Variants in SERPINI2 observed in about 807,000 individuals in gnomAD.
SERPINI2 encodes serpin family I member 2.
In SERPINI2, 48 loss-of-function variants were observed where a neutral mutation model predicts 47.3. The ratio of observed to expected loss-of-function variants is 1.02; its 90% CI spans 0.81 to 1.29. The LOEUF (loss-of-function observed/expected upper bound fraction) is 1.29, where lower values mean the gene tolerates loss of function less well. Among genes scored for constraint, SERPINI2 ranks in the 50% most tolerant of loss-of-function variants. The pLI, the probability that SERPINI2 is intolerant of heterozygous loss-of-function variation, is 0.00. For synonymous variants in SERPINI2, 135 were observed against 149.3 expected, an observed-to-expected ratio of 0.90 and a Z score of 0.70; for missense variants, 448 against 456.9, an observed-to-expected ratio of 0.98 and a Z score of 0.18.
intron 2 of SERPINI2, among the ~76,000 whole-genome samples, chr3:167,470,341 A>C (rs1395700587): frequency 6.6e-6 from 1 of 152,160 alleles, no homozygotes; most frequent in African/African-American, 2.4e-5. Context: ...AGCAAATAAA[A>C]TCTTGTAAAT....
exon 9 of SERPINI2, chr3:167,442,095 G>T: frequency 6.4e-7 from 1 of 1,571,392 alleles, no homozygotes; most frequent in Non-Finnish European, 8.6e-7. Context: ...TTATTCTGAG[G>T]CTGTGCTTTT....
chr3:167,443,317 T>C (rs1045304780), intron 8 of SERPINI2, among the ~76,000 whole-genome samples: 1 of 152,118 alleles, frequency 6.6e-6, no homozygotes, highest in Non-Finnish European at 1.5e-5. Flanking sequence ...CCGTATTAGC[T>C]GGGATGGTCT....
intron 8 of SERPINI2, among the ~76,000 whole-genome samples, chr3:167,443,159 G>A (rs1312446234): frequency 4.6e-5 from 7 of 152,232 alleles, no homozygotes; most frequent in African/African-American, 1.7e-4. Context: ...CCAGGCTGGA[G>A]TGCAGTGGCG....
rs143940448 is a variant in SERPINI2, at chr3:167,456,781, T to C, written c.867-3748A>G. Among the ~76,000 whole-genome samples, 540 of 152,304 alleles carry C rather than the reference T, an allele frequency of 3.5e-3. 23 individuals are homozygous for C. In the East Asian group the frequency reaches 0.09, roughly 25 times the overall value. On this transcript the variant is annotated intron_variant, in intron 5 of 8. Transcript: ENST00000264677. Reference sequence around the variant, plus strand: ...ATTGATTGAGGAATTTAATGCGATATGATGGGGGGCCACCTATTACAATGT... The same window carrying C: ...ATTGATTGAGGAATTTAATGCGATACGATGGGGGGCCACCTATTACAATGT...
chr3:167,463,409 G>T (rs1015629650), intron 5 of SERPINI2, among the ~76,000 whole-genome samples: 11 of 151,898 alleles, frequency 7.2e-5, no homozygotes, highest in African/African-American at 2.7e-4. Flanking sequence ...GAATAACAGG[G>T]ATATTTCTGA....
intron 7 of SERPINI2, among the ~76,000 whole-genome samples, chr3:167,448,168 AT>A (rs761228484): frequency 2.6e-5 from 4 of 152,202 alleles, no homozygotes; most frequent in Admixed American, 6.5e-5. Context: ...CACAGATGCT[AT>A]TTAAAATGTC....
chr3:167,471,519 C>T, intron 2 of SERPINI2, 69 bp downstream of exon 2: 1 of 1,411,338 alleles, frequency 7.1e-7, no homozygotes, highest in Non-Finnish European at 9.5e-7. Flanking sequence ...TTATCCTGAA[C>T]TTCTAATATT....
upstream of SERPINI2, among the ~76,000 whole-genome samples, chr3:167,474,361 G>T (rs1422886506): frequency 2.0e-5 from 3 of 151,646 alleles, no homozygotes; most frequent in Non-Finnish European, 3.0e-5. Context: ...AGTTCTTTTT[G>T]TTTCTCACAG....
chr3:167,467,413 C>T, intron 2 of SERPINI2, 128 bp from the exon 3 acceptor site: 2 of 600,400 alleles, frequency 3.3e-6, no homozygotes, highest in Non-Finnish European at 5.8e-6. Flanking sequence ...CTAACAATCC[C>T]TTCAAAGTTA....
intron 6 of SERPINI2, among the ~76,000 whole-genome samples, chr3:167,449,989 A>G (rs1749598560): frequency 6.6e-6 from 1 of 152,196 alleles, no homozygotes; most frequent in Non-Finnish European, 1.5e-5. Flanking sequence ...AACTAAGTGA[A>G]ATATTTGAAG....
chr3:167,467,755 A>G (rs1463468835), intron 2 of SERPINI2, among the ~76,000 whole-genome samples: 2 of 152,152 alleles, frequency 1.3e-5, no homozygotes, highest in Non-Finnish European at 2.9e-5. Flanking sequence ...GTTCTCTTAT[A>G]AGCAACTGCA....
chr3:167,474,817 G>A (rs1027035886), upstream of SERPINI2, among the ~76,000 whole-genome samples: 5 of 151,420 alleles, frequency 3.3e-5, no homozygotes, highest in Non-Finnish European at 5.9e-5. Context: ...CACCTCAATG[G>A]CAATCAGATA....
chr3:167,446,230 G>A (rs1472093942), intron 8 of SERPINI2, among the ~76,000 whole-genome samples, 162 bp downstream of exon 8: 1 of 151,678 alleles, frequency 6.6e-6, no homozygotes, highest in Non-Finnish European at 1.5e-5. Context: ...CCTATTTTAG[G>A]CCTCGGTCAT....
chr3:167,463,294 T>TA (rs995977587), intron 5 of SERPINI2, among the ~76,000 whole-genome samples: 1 of 151,706 alleles, frequency 6.6e-6, no homozygotes, highest in African/African-American at 2.4e-5. Flanking sequence ...TAGTAGGTGC[T>TA]AAAAAAAATA....
intron 5 of SERPINI2, among the ~76,000 whole-genome samples, chr3:167,458,030 C>A (rs1302324306): frequency 2.0e-5 from 3 of 152,180 alleles, no homozygotes; most frequent in Non-Finnish European, 4.4e-5. Flanking sequence ...TTAATCATTT[C>A]ATTGTCTTAC....
Position 167,457,415 on chromosome 3 carries a change from C to G in SERPINI2, c.867-4382G>C, listed in dbSNP as rs183317192. 3.8e-3 allele frequency among the ~76,000 whole-genome samples: 583 copies of G among 152,264 alleles called. 2 individuals carry two copies. The highest frequency in any genetic ancestry group is 0.013 in the African/African-American group (545 of 41,550). On this transcript the variant is annotated intron_variant, in intron 5 of 8. Transcript: ENST00000264677. ...TTTCTAGTAAGTTGAGCCTGGAACC[C>G]CCAAACAACCTATTTCTTCTTAACC...
At chr3:167,455,607 G>GAAAAAAAAAAAAAAAAAAAA (rs58867270) in intron 5 of SERPINI2, among the ~76,000 whole-genome samples, 1 of 128,182 alleles carries the variant, frequency 7.8e-6, no homozygotes, top group Non-Finnish European at 1.6e-5. Context: ...AAAAAAAAAA[G>GAAAAAAAAAAAAAAAAAAAA]AAAAGAAAAG....
At chr3:167,468,253 A>G (rs1267928815) in intron 2 of SERPINI2, among the ~76,000 whole-genome samples, 1 of 152,182 alleles carries the variant, frequency 6.6e-6, no homozygotes, top group African/African-American at 2.4e-5. Context: ...TTATTCAAGA[A>G]AACCGGGTAT....
At chr3:167,447,409 G>C (rs963591378) in intron 7 of SERPINI2, among the ~76,000 whole-genome samples, 1 of 152,102 alleles carries the variant, frequency 6.6e-6, no homozygotes, top group South Asian at 2.1e-4. Context: ...GTGAATACTT[G>C]GACTTTTTTT....
Sources: allele counts gnomAD v4.1 joint callset (sites outside exome capture counted in the v4.1 genomes callset), GRCh38; gene constraint gnomAD v4.1.1; transcripts MANE v1.5; gene names NCBI Gene and HGNC (gene_info 2026-07-23, HGNC 2026-07-21).